NPEPL1: variants seen among roughly 807,000 people sequenced by gnomAD.
NPEPL1 encodes aminopeptidase like 1.
A neutral mutation model predicts 52.4 loss-of-function variants in NPEPL1; 45 were observed. The ratio of observed to expected loss-of-function variants is 0.86; its 90% CI spans 0.68 to 1.10. The LOEUF is 1.10. Ranked by LOEUF, NPEPL1 falls within the 50% of genes least tolerant of loss-of-function variation. The probability of loss-of-function intolerance (pLI) is 0.00; values close to 1 mark genes in which losing one functional copy is unlikely to be tolerated. For missense variants in NPEPL1, 696 were observed against 710.9 expected (o/e 0.98, Z 0.24); for synonymous variants, 360 against 314.7 (o/e 1.14, Z -1.52).
intron 11 of NPEPL1, 38 bp downstream of exon 11, chr20:58,714,708 C>A: frequency 6.7e-7 from 1 of 1,486,856 alleles, no homozygotes; most frequent in East Asian, 2.4e-5. Flanking sequence ...TGGCTGCTCC[C>A]GCCCGCTTGT....
chr20:58,699,081 C>T lies in NPEPL1; in HGVS notation c.598-116C>T, dbSNP rs577142289. On this transcript the variant is annotated intron_variant, in intron 4 of 11. Transcript: ENST00000356091. ...CACACGCGAAGCTGGCTCCCAAGCC[C>T]GGCTCCCCGACGCGGCACAGGCAGC... 7.7e-5 allele frequency: 76 copies of T among 984,000 alleles called. 1 individual carries two copies. The highest frequency in any genetic ancestry group is 2.2e-4 in the South Asian group (16 of 71,640). The allele number at this position is 984,000 out of a possible 1,614,324, so 61.0% of individuals were successfully genotyped here.
upstream of NPEPL1, chr20:58,691,347 T>C: frequency 2.0e-6 from 1 of 497,972 alleles, no homozygotes; most frequent in East Asian, 4.3e-5. Flanking sequence ...AAGGAATGCC[T>C]TTCAGTCATT....
chr20:58,691,645 C>T, upstream of NPEPL1: 1 of 703,106 alleles, frequency 1.4e-6, no homozygotes, highest in African/African-American at 1.8e-5. Flanking sequence ...GAAAACCTCT[C>T]ACACCACGCC....
intron 7 of NPEPL1, among the ~76,000 whole-genome samples, chr20:58,709,565 A>G (rs979142555): frequency 2.0e-5 from 3 of 152,132 alleles, no homozygotes; most frequent in Admixed American, 1.3e-4. Flanking sequence ...AGGACAGTCA[A>G]ATGCTCTCAG....
At chr20:58,703,321 G>A (rs1447960689) in intron 6 of NPEPL1, 1 of 284,686 alleles carries the variant, frequency 3.5e-6, no homozygotes, top group East Asian at 1.8e-4. Context: ...ATTTTCGGAG[G>A]AGGAATATGT....
Position 58,701,102 on chromosome 20 carries a change from G to A in NPEPL1, c.766G>A (p.Ala256Thr), listed in dbSNP as rs747011635. The change falls in exon 6 of 12, where the codon GCC becomes ACC. Residue 256 changes from alanine to threonine, a missense_variant. Ala to Thr is a moderately conservative substitution (Grantham distance 58). Coordinates refer to ENST00000356091, the MANE Select transcript of NPEPL1 (RefSeq NM_024663.4). ...CCCAGATGGAGCCACGCAGACCATC[G>A]CCTGGGTGGGCAAAGGCATCGTCTA... is the stretch of plus-strand genomic sequence containing the variant. ...HTPDGATQTI[A>T]WVGKGIVYDT... 46 of 1,591,536 alleles carry A rather than the reference G, an allele frequency of 2.9e-5. No homozygotes were observed. The highest frequency in any genetic ancestry group is 1.7e-4 in the Middle Eastern group (1 of 6,054).
intron 7 of NPEPL1, among the ~76,000 whole-genome samples, chr20:58,708,503 C>T (rs532625726): frequency 4.5e-4 from 68 of 152,334 alleles, no homozygotes; most frequent in African/African-American, 1.5e-3. Flanking sequence ...TGGGGCTGTA[C>T]GCAGCCTGCA....
Position 58,714,049 on chromosome 20 carries a change from A to T in NPEPL1, c.1258A>T (p.Ser420Cys). ...GGTCTACTGCCCCGAGCTGCACTTC[A>T]GCGAGTTCACCTCAGCTGTGGCGGA... ...PLVYCPELHF[S>C]EFTSAVADMK... is the part of the protein sequence containing the mutation. Residue 420 changes from serine (S) to cysteine (C), a missense_variant, in exon 10 of 12, where the codon AGC becomes TGC. By Grantham distance (112) the Ser-to-Cys change is moderately radical. Transcript: ENST00000356091. 6.5e-7 allele frequency: 1 copy of T among 1,544,444 alleles called. No homozygotes were observed. The highest frequency in any genetic ancestry group is 8.7e-7 in the Non-Finnish European group (1 of 1,146,132).
At chr20:58,706,793 C>T (rs8115204) in intron 6 of NPEPL1, among the ~76,000 whole-genome samples, 35,717 of 152,178 alleles carry the variant, frequency 0.23, 7,017 homozygotes, top group African/African-American at 0.54. Flanking sequence ...TGTCAGAGCC[C>T]GGCCACAGCG....
intron 3 of NPEPL1, among the ~76,000 whole-genome samples, chr20:58,695,174 GTGGTGTGTGTTGT>G (rs2084454896): frequency 4.8e-5 from 1 of 21,028 alleles, no homozygotes; most frequent in East Asian, 1.4e-3. Context: ...GTGTGCATGT[GTGGTGTGTGTTGT>G]TGTGTGTGAG....
At position 58,713,341 on chromosome 20, in the gene NPEPL1, G is replaced by A. The variant is rs2084892660; in HGVS notation, c.1002-79G>A. On this transcript the variant is annotated intron_variant, in intron 8 of 11. Coordinates refer to ENST00000356091, the MANE Select transcript of NPEPL1 (RefSeq NM_024663.4). This position sits in a 1 kb window ranked among gnomAD's most constrained non-coding sequence, Gnocchi z 4.6. ...ACAGGGATGGGCAGCTCCAAATGGG[G>A]TCTCCCCAGTTTCAAAGGGGCTCAT... 6.8e-7 allele frequency: 1 copy of A among 1,476,836 alleles called. No individual in the cohort carries two copies. Among genetic ancestry groups the A allele is most frequent in the African/African-American group, 1.4e-5 (1 of 71,498 alleles). The allele number at this position is 1,476,836 out of a possible 1,614,324, so 91.5% of individuals were successfully genotyped here.
intron 2 of NPEPL1, 27 bp downstream of exon 2, chr20:58,693,949 C>A: frequency 6.5e-7 from 1 of 1,532,652 alleles, no homozygotes; most frequent in South Asian, 1.2e-5. Flanking sequence ...GAGGCAGCCA[C>A]GGTGCTCCTA....
rs866469431 is a variant in NPEPL1 at position 58,713,481 on chromosome 20, T to C, written c.1063T>C (p.Tyr355His). The C allele has an allele frequency of 3.1e-6, 5 of 1,611,592 alleles. No homozygotes were observed. In the Middle Eastern group the frequency reaches 6.6e-4, roughly 214 times the overall value. Residue 355 changes from tyrosine to histidine, a missense_variant, in exon 9 of 12, where the codon TAT (tyrosine) becomes CAT (histidine). Transcript: ENST00000356091. The surrounding 1 kb of genome is among the most constrained non-coding windows in gnomAD (Gnocchi z 4.6). ...GRLVLADGVSYACKDLGADII... is the reference protein window; with the variant it reads ...GRLVLADGVSHACKDLGADII... ...GCTGGTGCTGGCAGATGGCGTGTCC[T>C]ATGCTTGCAAGGACCTGGGGGCCGA...
chr20:58,711,789 C>T (rs1256339302), intron 7 of NPEPL1, among the ~76,000 whole-genome samples: 4 of 152,234 alleles, frequency 2.6e-5, no homozygotes, highest in Admixed American at 2.0e-4. Flanking sequence ...ATGAGAAAGA[C>T]GCTGGATCCT....
At chr20:58,691,201 A>C (rs1187075389), upstream of NPEPL1, 7 of 702,626 alleles carry the variant, frequency 1.0e-5, no homozygotes, top group Admixed American at 4.0e-5. Context: ...CAAACAGAAA[A>C]AAGAGTGAGA....
intron 6 of NPEPL1, among the ~76,000 whole-genome samples, chr20:58,702,164 C>T (rs1378406137): frequency 6.6e-6 from 1 of 152,256 alleles, no homozygotes; most frequent in Non-Finnish European, 1.5e-5. Context: ...GAATTAGCTA[C>T]CAATATTTGA....
upstream of NPEPL1, chr20:58,691,820 C>T: frequency 6.5e-7 from 1 of 1,542,932 alleles, no homozygotes; most frequent in Non-Finnish European, 8.8e-7. Context: ...CTTGAGCAAT[C>T]AGGATGTTGG....
chr20:58,707,188 C>T lies in NPEPL1; in HGVS notation c.888C>T (p.Ala296=), dbSNP rs781303035. The change falls in exon 7 of 12, where the codon GCC becomes GCT. Residue 296 remains alanine (A), a synonymous_variant. Transcript: ENST00000356091. ...CGGCCGTCCTGGGGGCCTTCAGAGC[C>T]GCAATCAAGCAGGTGAGTGGGCCCT... ...GAAAVLGAFR[A]AIKQGFKDNL... is the part of the protein sequence containing the mutation. 1.1e-5 allele frequency: 17 copies of T among 1,550,902 alleles called. No homozygotes were observed. Among genetic ancestry groups the T allele is most frequent in the East Asian group, 4.9e-5 (2 of 41,130 alleles).
rs543752779 is a variant in NPEPL1 at position 58,713,795 on chromosome 20, T to C, written c.1126-122T>C. 1.9e-4 allele frequency: 227 copies of C among 1,226,784 alleles called. 2 individuals are homozygous for C. In the East Asian group the frequency reaches 6.4e-3, roughly 34 times the overall value. The allele number at this position is 1,226,784 out of a possible 1,614,324, so 76.0% of individuals were successfully genotyped here. A position where few individuals can be genotyped will look rare whatever the true frequency, so the allele number is the denominator to read the frequency against. Reference sequence around the variant, plus strand: ...CCTTTCTGCCTGTGTTTTTTCTTTTTTTCTCAACCGTCTCTTTTCTGGCTC... The same window carrying C: ...CCTTTCTGCCTGTGTTTTTTCTTTTCTTCTCAACCGTCTCTTTTCTGGCTC... On this transcript the variant is annotated intron_variant, in intron 9 of 11. Coordinates refer to ENST00000356091, the MANE Select transcript of NPEPL1 (RefSeq NM_024663.4). The surrounding 1 kb of genome is among the most constrained non-coding windows in gnomAD (Gnocchi z 4.6).
Sources: gnomAD v4.1 joint callset for allele counts (sites outside exome capture counted in the v4.1 genomes callset) on GRCh38, gnomAD v4.1.1 for gene constraint, Gnocchi (gnomAD v3.1) non-coding constraint, MANE v1.5 for transcripts, NCBI Gene and HGNC (gene_info 2026-07-23, HGNC 2026-07-21) for gene names.